Variants in CALCR observed in about 807,000 individuals in gnomAD.
CALCR encodes the protein calcitonin receptor.
In CALCR, 47 loss-of-function variants were observed where a neutral mutation model predicts 59.5. The observed-to-expected ratio is 0.79, with a 90% CI of 0.63 to 1.01. The LOEUF (loss-of-function observed/expected upper bound fraction) is 1.01, where lower values mean the gene tolerates loss of function less well. Among genes scored for constraint, CALCR ranks in the 50% least tolerant of loss-of-function variants. The pLI, the probability that CALCR is intolerant of heterozygous loss-of-function variation, is 0.00. For missense variants in CALCR, 566 were observed against 597.1 expected (o/e 0.95, Z 0.54); for synonymous variants, 213 against 211.3 (o/e 1.01, Z -0.07).
chr7:93,542,806 GATC>G (rs766511962), intron 2 of CALCR, among the ~76,000 whole-genome samples: 2 of 152,028 alleles, frequency 1.3e-5, no homozygotes, highest in Admixed American at 6.6e-5. Context: ...ACAGGGTCAG[GATC>G]ATCAATACAC....
At chr7:93,490,002 A>T (rs1431908990) in intron 2 of CALCR, among the ~76,000 whole-genome samples, 1 of 152,076 alleles carries the variant, frequency 6.6e-6, no homozygotes, top group Non-Finnish European at 1.5e-5. Context: ...TTGATGCAAA[A>T]ATCCTCAATA....
At chr7:93,510,325 C>T (rs1801518597) in intron 2 of CALCR, among the ~76,000 whole-genome samples, 1 of 152,076 alleles carries the variant, frequency 6.6e-6, no homozygotes, top group Non-Finnish European at 1.5e-5. Context: ...GGAAAGGTCC[C>T]TCGTTAATAT....
At chr7:93,509,827 A>T (rs1196677139) in intron 2 of CALCR, among the ~76,000 whole-genome samples, 1 of 152,184 alleles carries the variant, frequency 6.6e-6, no homozygotes, top group Non-Finnish European at 1.5e-5. Context: ...AAAAATTCCT[A>T]TGGTAAAATT....
At chr7:93,497,033 T>C (rs10229640) in intron 2 of CALCR, among the ~76,000 whole-genome samples, 26,861 of 151,376 alleles carry the variant, frequency 0.18, 5,843 homozygotes, top group African/African-American at 0.51. Flanking sequence ...AAACAGAGTG[T>C]CTTCCTACTC....
At chr7:93,566,806 T>C (rs1789873405) in intron 2 of CALCR, among the ~76,000 whole-genome samples, 1 of 152,206 alleles carries the variant, frequency 6.6e-6, no homozygotes, top group Admixed American at 6.5e-5. Flanking sequence ...TTTTGTTTTC[T>C]ATTTTTAGTT....
rs185332708 is a variant in CALCR, at chr7:93,554,606, A to G, written c.-27+19683T>C. Reference sequence around the variant, plus strand: ...AAAGGACTATAGCAATACAGAGTCCAGCAATAGCACATTGGGAAGAGCAGA... The same window carrying G: ...AAAGGACTATAGCAATACAGAGTCCGGCAATAGCACATTGGGAAGAGCAGA... On this transcript the variant is annotated intron_variant, in intron 2 of 13. Coordinates refer to ENST00000426151, the MANE Select transcript of CALCR (RefSeq NM_001742.4). 2.6e-5 allele frequency among the ~76,000 whole-genome samples: 4 copies of G among 152,012 alleles called. No individual in the cohort carries two copies. In the East Asian group the frequency reaches 7.8e-4, roughly 29 times the overall value.
chr7:93,438,260 C>T lies in CALCR; in HGVS notation c.813G>A (p.Leu271=). ...TAATAGCATGGATAGTGGTTGGCACCAGCGGGAACCCTACAAATGTGAAAA... is the reference window on the plus strand; with the variant it reads ...TAATAGCATGGATAGTGGTTGGCACTAGCGGGAACCCTACAAATGTGAAAA... ...WYYLLGWGFP[L]VPTTIHAITR... Residue 271 remains leucine, a synonymous_variant, in exon 10 of 14, where the codon CTG becomes CTA. Transcript: ENST00000426151. The T allele has an allele frequency of 6.2e-7, 1 of 1,612,548 alleles. No homozygotes were observed. The highest frequency in any genetic ancestry group is 8.5e-7 in the Non-Finnish European group (1 of 1,178,614).
At chr7:93,462,955 A>T (rs939404729) in intron 7 of CALCR, among the ~76,000 whole-genome samples, 1 of 151,972 alleles carries the variant, frequency 6.6e-6, no homozygotes, top group Non-Finnish European at 1.5e-5. Flanking sequence ...AATTTATTTT[A>T]TACATCTAGA....
At chr7:93,506,646 A>AT (rs111234461) in intron 2 of CALCR, among the ~76,000 whole-genome samples, 10,055 of 141,348 alleles carry the variant, frequency 0.071, 959 homozygotes, top group African/African-American at 0.22. Flanking sequence ...GTTGATTGTG[A>AT]TTTTTTTTTT....
chr7:93,500,687 C>G (rs7805232), intron 2 of CALCR, among the ~76,000 whole-genome samples: 26,979 of 151,924 alleles, frequency 0.18, 5,861 homozygotes, highest in African/African-American at 0.51. Flanking sequence ...GAATCCAAAT[C>G]CAGGACTTGC....
At chr7:93,460,576 T>TATATATATATAC (rs1800303531) in intron 8 of CALCR, among the ~76,000 whole-genome samples, 7 of 104,550 alleles carry the variant, frequency 6.7e-5, no homozygotes, top group African/African-American at 3.0e-4. Context: ...AAAAAAAATA[T>TATATATATATAC]ATATATATAT....
chr7:93,521,163 G>A (rs533638718), intron 2 of CALCR, among the ~76,000 whole-genome samples: 2 of 152,096 alleles, frequency 1.3e-5, no homozygotes, highest in South Asian at 4.2e-4. Context: ...ATAGCTCTAG[G>A]GACTATAAGT....
intron 2 of CALCR, among the ~76,000 whole-genome samples, chr7:93,499,646 C>T (rs1437911125): frequency 6.6e-6 from 1 of 151,722 alleles, no homozygotes; most frequent in Non-Finnish European, 1.5e-5. Context: ...AGGACTTTGC[C>T]ATGCTTGTTT....
intron 7 of CALCR, among the ~76,000 whole-genome samples, chr7:93,463,298 C>T (rs1004445696): frequency 1.5e-4 from 23 of 151,404 alleles, no homozygotes; most frequent in African/African-American, 2.4e-5. Flanking sequence ...CTGTATCTCT[C>T]TATATAAAAA....
At position 93,477,661 on chromosome 7, in the gene CALCR, A is replaced by G. The variant is rs142823705; in HGVS notation, c.213T>C (p.Tyr71=). 1.2e-5 allele frequency: 20 copies of G among 1,603,210 alleles called. No homozygotes were observed. In the African/African-American group the frequency reaches 2.4e-4, roughly 19 times the overall value. ...QLPAYQGEGP[Y]CNRTWDGWLC... is the part of the protein sequence containing the mutation. ...GCCATCCATCCCAGGTGCGATTGCA[A>G]TATGGACCTGGCCATTTAGAAGGAA... The change falls in exon 5 of 14, where the codon TAT becomes TAC. Residue 71 remains tyrosine, a synonymous_variant. Transcript: ENST00000426151.
At chr7:93,456,128 G>A (rs180853418) in intron 8 of CALCR, among the ~76,000 whole-genome samples, 6 of 152,256 alleles carry the variant, frequency 3.9e-5, no homozygotes, top group African/African-American at 1.4e-4. Flanking sequence ...TCTGGGTGAA[G>A]TGTATGCTTC....
intron 2 of CALCR, among the ~76,000 whole-genome samples, chr7:93,515,938 T>G (rs185608289): frequency 5.3e-5 from 8 of 152,034 alleles, no homozygotes; most frequent in Admixed American, 6.6e-5. Context: ...TAAATGGATC[T>G]AAAAGAATTC....
At chr7:93,460,593 G>GTGTGTA (rs1296016997) in intron 8 of CALCR, among the ~76,000 whole-genome samples, 2 of 89,360 alleles carry the variant, frequency 2.2e-5, no homozygotes, top group Admixed American at 2.6e-4. Context: ...ATATATATAT[G>GTGTGTA]TATATATATA....
rs1239407011 is a variant in CALCR at position 93,445,396 on chromosome 7, A to G, written c.649-1639T>C. 2.0e-5 allele frequency among the ~76,000 whole-genome samples: 3 copies of G among 152,108 alleles called. No homozygotes were observed. In the East Asian group the frequency reaches 5.8e-4, roughly 29 times the overall value. On this transcript the variant is annotated intron_variant, in intron 8 of 13. Coordinates refer to ENST00000426151, the MANE Select transcript of CALCR (RefSeq NM_001742.4). ...CTATTCTTTCTGGATCCAGAAATTA[A>G]GCATATGTTTTGGAGGCTGTCACTT... is the stretch of plus-strand genomic sequence containing the variant.
Sources: gnomAD v4.1 joint callset for allele counts (sites outside exome capture counted in the v4.1 genomes callset) on GRCh38, gnomAD v4.1.1 for gene constraint, MANE v1.5 for transcripts, NCBI Gene and HGNC (gene_info 2026-07-23, HGNC 2026-07-21) for gene names.